ZNF704: variants seen among roughly 807,000 people sequenced by gnomAD.
The protein encoded by ZNF704 is zinc finger protein 704.
A neutral mutation model predicts 44.7 loss-of-function variants in ZNF704; 10 were observed. That is an observed-to-expected ratio of 0.22 (90% CI 0.14 to 0.38). The LOEUF is 0.38. Among genes scored for constraint, ZNF704 ranks in the 10% least tolerant of loss-of-function variants. ZNF704 has a pLI of 1.00. For missense variants in ZNF704, 390 were observed against 545.5 expected (o/e 0.71, Z 2.84); for synonymous variants, 211 against 207.6 (o/e 1.02, Z -0.14).
intron 1 of ZNF704, among the ~76,000 whole-genome samples, chr8:80,853,728 C>G (rs913340583): frequency 6.6e-5 from 10 of 152,086 alleles, no homozygotes; most frequent in Non-Finnish European, 1.5e-4. Flanking sequence ...CTTTCATCTT[C>G]TATTCATTGA....
At chr8:80,726,319 T>C (rs1806480101) in intron 2 of ZNF704, among the ~76,000 whole-genome samples, 1 of 152,188 alleles carries the variant, frequency 6.6e-6, no homozygotes, top group Non-Finnish European at 1.5e-5. Flanking sequence ...ATTTACGACA[T>C]ATTTAGAAAT....
At chr8:80,719,486 G>A (rs1205551085) in intron 2 of ZNF704, among the ~76,000 whole-genome samples, 1 of 152,084 alleles carries the variant, frequency 6.6e-6, no homozygotes, top group Non-Finnish European at 1.5e-5. Flanking sequence ...AGTTACTAGG[G>A]CAATAATGGC....
chr8:80,714,076 T>C (rs1006698393), intron 2 of ZNF704, among the ~76,000 whole-genome samples: 2 of 152,364 alleles, frequency 1.3e-5, no homozygotes, highest in Non-Finnish European at 1.5e-5. Context: ...ATTATACACA[T>C]GCTCTCCTTC....
intron 1 of ZNF704, among the ~76,000 whole-genome samples, chr8:80,839,185 T>C (rs1808634877): frequency 6.6e-6 from 1 of 152,232 alleles, no homozygotes; most frequent in African/African-American, 2.4e-5. Flanking sequence ...ACGCCTCTAA[T>C]TCCTTTGGCA....
chr8:80,680,815 A>C (rs901444231), intron 4 of ZNF704, among the ~76,000 whole-genome samples: 1 of 152,150 alleles, frequency 6.6e-6, no homozygotes. Flanking sequence ...TTGGATCTTC[A>C]AGGTGTGTGG....
intron 2 of ZNF704, among the ~76,000 whole-genome samples, chr8:80,743,680 G>A (rs1264492333): frequency 6.6e-6 from 1 of 152,210 alleles, no homozygotes; most frequent in Non-Finnish European, 1.5e-5. Flanking sequence ...AGAGCTGGGG[G>A]TGGGCCCAGC....
chr8:80,791,088 T>C (rs116283026), intron 2 of ZNF704, among the ~76,000 whole-genome samples: 71 of 152,268 alleles, frequency 4.7e-4, no homozygotes, highest in African/African-American at 1.5e-3. Context: ...GCTGGTTCAG[T>C]AAATGCATGA....
At position 80,845,434 on chromosome 8, in the gene ZNF704, G is replaced by A. The variant is rs191954498; in HGVS notation, c.-21-23819C>T. 1.1e-4 allele frequency among the ~76,000 whole-genome samples: 17 copies of A among 152,262 alleles called. No individual in the cohort carries two copies. In the East Asian group the frequency reaches 2.3e-3, roughly 21 times the overall value. On this transcript the variant is annotated intron_variant, in intron 1 of 8. Coordinates refer to ENST00000327835, the MANE Select transcript of ZNF704 (RefSeq NM_001033723.3). ...CTCACCTTTCTTCCACTATTTTCCT[G>A]GCTTAAATCAGATCAAAAAGAGTTA...
chr8:80,784,969 T>C (rs1041368668), intron 2 of ZNF704, among the ~76,000 whole-genome samples: 3 of 139,432 alleles, frequency 2.2e-5, no homozygotes, highest in Non-Finnish European at 4.5e-5. Flanking sequence ...CTTACATTAG[T>C]AGATACATTT....
chr8:80,720,620 G>GC (rs1229131419), intron 2 of ZNF704, among the ~76,000 whole-genome samples: 1 of 152,220 alleles, frequency 6.6e-6, no homozygotes, highest in Non-Finnish European at 1.5e-5. Context: ...CACAGCAGCA[G>GC]CAAGAGCTGT....
chr8:80,773,694 G>T (rs1021110543), intron 2 of ZNF704, among the ~76,000 whole-genome samples: 1 of 151,944 alleles, frequency 6.6e-6, no homozygotes, highest in Non-Finnish European at 1.5e-5. Context: ...ATTTTCTCTG[G>T]GTATGAATGC....
At chr8:80,877,057 T>C (rs916671420), upstream of ZNF704, among the ~76,000 whole-genome samples, 11 of 152,090 alleles carry the variant, frequency 7.2e-5, no homozygotes, top group African/African-American at 2.7e-4. Context: ...GATACACTAT[T>C]GTACATTCTT....
chr8:80,696,860 C>T (rs959836902), intron 2 of ZNF704, among the ~76,000 whole-genome samples: 2 of 152,124 alleles, frequency 1.3e-5, no homozygotes, highest in Admixed American at 6.6e-5. Context: ...CCCTAGGGGA[C>T]GCTGAACAAA....
At chr8:80,811,322 T>C (rs913480759) in intron 2 of ZNF704, among the ~76,000 whole-genome samples, 10 of 152,228 alleles carry the variant, frequency 6.6e-5, no homozygotes, top group African/African-American at 1.7e-4. Flanking sequence ...ATTAAAATTA[T>C]TTTTGCCTGT....
In ZNF704 at chr8:80,647,035, C is replaced by T. The variant is rs111306774; in HGVS notation, c.1033-3906G>A. On this transcript the variant is annotated intron_variant, in intron 7 of 8. Coordinates refer to ENST00000327835, the MANE Select transcript of ZNF704 (RefSeq NM_001033723.3). Reference sequence around the variant, plus strand: ...TGAAGTGATATGAGATTATTGGATACTCTTCATTCAACAGATATTTATTAA... The same window carrying T: ...TGAAGTGATATGAGATTATTGGATATTCTTCATTCAACAGATATTTATTAA... Among the ~76,000 whole-genome samples, 293 of 152,298 alleles carry T rather than the reference C, an allele frequency of 1.9e-3. 1 individual carries two copies. Among genetic ancestry groups the T allele is most frequent in the African/African-American group, 6.8e-3 (282 of 41,566 alleles).
At position 80,734,286 on chromosome 8, in the gene ZNF704, T is replaced by C. The variant is rs73693884; in HGVS notation, c.222-41179A>G. On this transcript the variant is annotated intron_variant, in intron 2 of 8. Coordinates refer to ENST00000327835, the MANE Select transcript of ZNF704 (RefSeq NM_001033723.3). The stretch of plus-strand genomic sequence containing the variant: ...TGTTGTAAGGATACTCAATCAGTCA[T>C]ATGGAAAGGTCCACAGGACCCTGGG... 3.0e-3 allele frequency among the ~76,000 whole-genome samples: 461 copies of C among 152,360 alleles called. 6 individuals are homozygous for C. The highest frequency in any genetic ancestry group is 0.011 in the African/African-American group (445 of 41,584).
chr8:80,856,559 G>C (rs1407349189), intron 1 of ZNF704, among the ~76,000 whole-genome samples: 1 of 152,142 alleles, frequency 6.6e-6, no homozygotes, highest in Non-Finnish European at 1.5e-5. Context: ...GCAAGGTAGA[G>C]GTAATTGAGG....
chr8:80,709,884 C>T (rs908560196), intron 2 of ZNF704, among the ~76,000 whole-genome samples: 5 of 152,278 alleles, frequency 3.3e-5, no homozygotes, highest in South Asian at 2.1e-4. Flanking sequence ...GTAGCAGCTT[C>T]GCTTGTAAGA....
intron 3 of ZNF704, among the ~76,000 whole-genome samples, chr8:80,692,062 A>G (rs756768424): frequency 2.0e-5 from 3 of 152,050 alleles, no homozygotes; most frequent in Non-Finnish European, 2.9e-5. Flanking sequence ...ATAACTTTGC[A>G]GTGCTAGAAT....
Sources: gnomAD v4.1 joint callset for allele counts (sites outside exome capture counted in the v4.1 genomes callset) on GRCh38, gnomAD v4.1.1 for gene constraint, MANE v1.5 for transcripts, NCBI Gene and HGNC (gene_info 2026-07-23, HGNC 2026-07-21) for gene names.